The following CYFIP2 variants were observed in gnomAD, a reference collection of about 807,000 sequenced individuals.
CYFIP2 encodes cytoplasmic FMR1 interacting protein 2, also known as cytoplasmic FMR1-interacting protein 2.
In CYFIP2, 29 loss-of-function variants were observed where a neutral mutation model predicts 158.7. That is an observed-to-expected ratio of 0.18 (90% CI 0.14 to 0.25). The LOEUF is 0.25. CYFIP2 is among the 10% of genes least tolerant of loss of function. CYFIP2 has a pLI of 1.00. For missense variants in CYFIP2, 852 were observed against 1,639.5 expected, an observed-to-expected ratio of 0.52 and a Z score of 8.29; for synonymous variants, 585 against 617.6, an observed-to-expected ratio of 0.95 and a Z score of 0.78.
intron 13 of CYFIP2, among the ~76,000 whole-genome samples, chr5:157,317,960 A>G (rs1760284193): frequency 1.3e-5 from 2 of 151,942 alleles, no homozygotes; most frequent in Admixed American, 1.3e-4. Context: ...TCTCCTCATT[A>G]TTTATTATCT....
intron 1 of CYFIP2, chr5:157,269,547 T>C (rs566791942): frequency 1.3e-5 from 2 of 152,126 alleles, no homozygotes; most frequent in Admixed American, 6.6e-5. Context: ...CCTGCCCAAC[T>C]GTTACCTGCC....
intron 21 of CYFIP2, among the ~76,000 whole-genome samples, chr5:157,335,385 C>T (rs1761776589): frequency 6.6e-6 from 1 of 152,174 alleles, no homozygotes; most frequent in Non-Finnish European, 1.5e-5. Context: ...TCAAGCAATT[C>T]TCCTGCCTCA....
At chr5:157,293,054 GTA>G (rs1561697441) in intron 3 of CYFIP2, among the ~76,000 whole-genome samples, 20 of 151,926 alleles carry the variant, frequency 1.3e-4, no homozygotes, top group African/African-American at 4.1e-4. Context: ...ATGTATGTAT[GTA>G]TGTATGTATG....
At chr5:157,272,236 CTG>C (rs1259131885) in intron 1 of CYFIP2, among the ~76,000 whole-genome samples, 1 of 152,198 alleles carries the variant, frequency 6.6e-6, no homozygotes, top group African/African-American at 2.4e-5. Context: ...TTTCTCGGCT[CTG>C]ACTGCAGGTC....
At chr5:157,340,168 T>C (rs973712190) in intron 22 of CYFIP2, among the ~76,000 whole-genome samples, 2 of 152,232 alleles carry the variant, frequency 1.3e-5, no homozygotes, top group Non-Finnish European at 2.9e-5. Flanking sequence ...CCCACAAAGT[T>C]TCATAACCCA....
At chr5:157,292,863 G>A (rs1377790743) in intron 3 of CYFIP2, among the ~76,000 whole-genome samples, 3 of 152,108 alleles carry the variant, frequency 2.0e-5, no homozygotes, top group South Asian at 2.1e-4. Context: ...AAGAGTATGT[G>A]TATGTGTTCC....
At chr5:157,273,808 T>C (rs1254321060) in intron 1 of CYFIP2, among the ~76,000 whole-genome samples, 1 of 152,134 alleles carries the variant, frequency 6.6e-6, no homozygotes, top group Non-Finnish European at 1.5e-5. Flanking sequence ...TATTGAAATA[T>C]AGTTTGCATA....
At chr5:157,326,778 C>T (rs947019211) in intron 18 of CYFIP2, among the ~76,000 whole-genome samples, 4 of 152,130 alleles carry the variant, frequency 2.6e-5, no homozygotes, top group Non-Finnish European at 2.9e-5. Context: ...GAGGGAGGTC[C>T]GCTGATGACC....
chr5:157,334,865 G>C (rs1761737350), intron 21 of CYFIP2, among the ~76,000 whole-genome samples: 1 of 152,190 alleles, frequency 6.6e-6, no homozygotes, highest in African/African-American at 2.4e-5. Context: ...GGTGAAACCT[G>C]AATAAAGCCT....
At chr5:157,318,565 A>G (rs1007249445) in intron 13 of CYFIP2, among the ~76,000 whole-genome samples, 2 of 152,220 alleles carry the variant, frequency 1.3e-5, no homozygotes, top group South Asian at 4.1e-4. Flanking sequence ...TTTTCATACC[A>G]GTTCTATCTA....
intron 22 of CYFIP2, among the ~76,000 whole-genome samples, chr5:157,340,103 T>G (rs59449732): frequency 0.23 from 34,784 of 152,190 alleles, 4,549 homozygotes; most frequent in African/African-American, 0.35. Flanking sequence ...TCCTGCAAGG[T>G]GCACACGGCC....
In CYFIP2 at chr5:157,285,370, G is replaced by T; in HGVS notation, c.9G>T (p.Thr3=). The change falls in exon 2 of 31, where the codon ACG becomes ACT. Residue 3 remains threonine (T), a synonymous_variant. Coordinates refer to ENST00000620254, the MANE Select transcript of CYFIP2 (RefSeq NM_001037333.3). ...ATACAGAAACTGCAGCCATGACCAC[G>T]CACGTCACCCTGGAAGATGCCCTGT... The part of the protein sequence containing the change: MT[T]HVTLEDALSN... 3.2e-6 allele frequency: 5 copies of T among 1,567,100 alleles called. No homozygotes were observed. In the South Asian group the frequency reaches 3.5e-5, roughly 11 times the overall value.
intron 1 of CYFIP2, among the ~76,000 whole-genome samples, chr5:157,280,591 T>C (rs573974590): frequency 1.3e-5 from 2 of 152,114 alleles, no homozygotes; most frequent in South Asian, 4.2e-4. Context: ...AAAAGGGAAG[T>C]TGGATAAGAG....
chr5:157,290,671 A>G (rs1757749110), intron 3 of CYFIP2, among the ~76,000 whole-genome samples: 1 of 152,250 alleles, frequency 6.6e-6, no homozygotes. Context: ...TGGCTTAGGC[A>G]TGAGTCATGA....
At chr5:157,333,144 A>T (rs1340008180) in intron 20 of CYFIP2, among the ~76,000 whole-genome samples, 183 bp from the exon 21 acceptor site, 1 of 152,144 alleles carries the variant, frequency 6.6e-6, no homozygotes, top group Admixed American at 6.5e-5. Flanking sequence ...TGCTGCAAAC[A>T]TCATAAACTT....
intron 12 of CYFIP2, 64 bp downstream of exon 12, chr5:157,314,527 C>T (rs1759983914): frequency 1.3e-6 from 2 of 1,554,218 alleles, no homozygotes; most frequent in Non-Finnish European, 1.7e-6. Flanking sequence ...GCCTCCATCT[C>T]CCCCTAGCAC....
chr5:157,309,966 C>T (rs558738928), intron 10 of CYFIP2, 132 bp downstream of exon 10: 124 of 867,534 alleles, frequency 1.4e-4, no homozygotes, highest in African/African-American at 1.2e-3. Flanking sequence ...ACACAGGTGC[C>T]GGCCGGAGGG....
chr5:157,351,121 T>G (rs1431917363), intron 23 of CYFIP2, among the ~76,000 whole-genome samples: 1 of 152,194 alleles, frequency 6.6e-6, no homozygotes, highest in African/African-American at 2.4e-5. Context: ...CACCCTTGTC[T>G]TGTTCCAGTT....
intron 28 of CYFIP2, among the ~76,000 whole-genome samples, chr5:157,386,604 G>A (rs1032885563): frequency 2.6e-5 from 4 of 152,080 alleles, no homozygotes; most frequent in East Asian, 1.9e-4. Context: ...AATGCTCAGC[G>A]GTAGCTCACA....
Sources: gnomAD v4.1 joint callset for allele counts (sites outside exome capture counted in the v4.1 genomes callset) on GRCh38, gnomAD v4.1.1 for gene constraint, MANE v1.5 for transcripts, NCBI Gene and HGNC (gene_info 2026-07-23, HGNC 2026-07-21) for gene names.